Variants in PXDN observed in about 807,000 individuals in gnomAD.
PXDN encodes the protein peroxidasin homolog.
Under a neutral mutation model 140.3 loss-of-function variants are expected in PXDN, and 77 were observed. The ratio of observed to expected loss-of-function variants is 0.55; its 90% confidence interval spans 0.46 to 0.66. PXDN has a LOEUF of 0.66. Among genes scored for constraint, PXDN ranks in the 30% least tolerant of loss-of-function variants. The probability of loss-of-function intolerance (pLI) is 0.00; values close to 1 mark genes in which losing one functional copy is unlikely to be tolerated. For missense variants in PXDN, 1,838 were observed against 2,039.5 expected (o/e 0.90, Z 1.90); for synonymous variants, 911 against 857.4 (o/e 1.06, Z -1.09).
chr2:1,720,207 C>G (rs1451326475), intron 1 of PXDN, among the ~76,000 whole-genome samples: 2 of 8,092 alleles, frequency 2.5e-4, no homozygotes, highest in Admixed American at 2.5e-3. Flanking sequence ...GGGAGGGATG[C>G]AGAGAGAGGG....
chr2:1,687,577 G>T lies in PXDN; in HGVS notation c.416+55C>A. The T allele has an allele frequency of 7.3e-7, 1 of 1,371,300 alleles. No individual in the cohort carries two copies. The highest frequency in any genetic ancestry group is 2.4e-5 in the East Asian group (1 of 41,264). 84.9% of individuals were successfully genotyped at this position (1,371,300 alleles called of 1,614,324 possible). Reference sequence around the variant, plus strand: ...GCTCACTCCACTGGTCCCTACAAGAGGAAAACAGCCAGACGGCATCCAAGA... The same window carrying T: ...GCTCACTCCACTGGTCCCTACAAGATGAAAACAGCCAGACGGCATCCAAGA... On this transcript the variant is annotated intron_variant, in intron 4 of 22. Coordinates refer to ENST00000252804, the MANE Select transcript of PXDN (RefSeq NM_012293.3). The surrounding 1 kb of genome is among the most constrained non-coding windows in gnomAD (Gnocchi z 4.0).
At chr2:1,697,209 T>C (rs1684317932) in intron 1 of PXDN, among the ~76,000 whole-genome samples, 1 of 152,162 alleles carries the variant, frequency 6.6e-6, no homozygotes, top group African/African-American at 2.4e-5. Context: ...ATGCTGAAGA[T>C]ATAACGCAAA....
rs115167954 is a variant in PXDN at position 1,635,154 on chromosome 2, T to C, written c.4320+254A>G. ...GCACACAAGCAGCCCCAGGTGGCCC[T>C]GCACAGAGTAGGGGCTGCCCGCCCT... is the stretch of plus-strand genomic sequence containing the variant. On this transcript the variant is annotated intron_variant, in intron 22 of 22. Transcript: ENST00000252804. Among the ~76,000 whole-genome samples the C allele has an allele frequency of 0.042, 6,294 of 151,462 alleles. 389 individuals carry two copies. The highest frequency in any genetic ancestry group is 0.15 in the African/African-American group (5,962 of 41,096).
intron 1 of PXDN, among the ~76,000 whole-genome samples, chr2:1,727,736 T>C (rs1371459712): frequency 6.6e-6 from 1 of 152,182 alleles, no homozygotes; most frequent in Non-Finnish European, 1.5e-5. Context: ...GCTGAGTTCA[T>C]CTCCATCCCC....
Position 1,720,754 on chromosome 2 carries a change from G to C in PXDN, c.200+23502C>G, listed in dbSNP as rs561435042. ...CACACACACACACACACACACACAC[G>C]TACACATATCCTGTGGTTTCCATTT... On this transcript the variant is annotated intron_variant, in intron 1 of 22. Coordinates refer to ENST00000252804, the MANE Select transcript of PXDN (RefSeq NM_012293.3). 3.1e-3 allele frequency among the ~76,000 whole-genome samples: 424 copies of C among 138,646 alleles called. 4 individuals carry two copies. The highest frequency in any genetic ancestry group is 0.011 in the African/African-American group (395 of 34,898). 91.0% of individuals were successfully genotyped at this position (138,646 alleles called of 152,430 possible).
intron 1 of PXDN, among the ~76,000 whole-genome samples, chr2:1,721,429 T>C (rs1685048807): frequency 6.6e-6 from 1 of 152,170 alleles, no homozygotes; most frequent in African/African-American, 2.4e-5. Context: ...TGGGCATTCA[T>C]CCAGGATTCA....
chr2:1,648,195 A>C lies in PXDN; in HGVS notation c.3585T>G (p.Pro1195=), dbSNP rs13401329. The change falls in exon 17 of 23, where the codon CCT becomes CCG. Residue 1195 remains proline, a synonymous_variant. Coordinates refer to ENST00000252804, the MANE Select transcript of PXDN (RefSeq NM_012293.3). The surrounding 1 kb of genome is among the most constrained non-coding windows in gnomAD (Gnocchi z 8.9). ...ACCTTTTCAGTTTCTCCCGGATCTC[A>C]GGGTTTTTAATCTCATTTTTCAGGT... ...FEDLKNEIKN[P]EIREKLKRLY... is the part of the protein sequence containing the mutation. The C allele has an allele frequency of 6.2e-7, 1 of 1,612,360 alleles. No homozygotes were observed. The highest frequency in any genetic ancestry group is 2.2e-5 in the East Asian group (1 of 44,824).
intron 1 of PXDN, among the ~76,000 whole-genome samples, chr2:1,742,821 C>T (rs1310159462): frequency 6.6e-6 from 1 of 152,224 alleles, no homozygotes; most frequent in Non-Finnish European, 1.5e-5. Context: ...CGGGCCCCCG[C>T]CCCGCCCCAG....
intron 16 of PXDN, among the ~76,000 whole-genome samples, chr2:1,652,576 C>A (rs1490482648): frequency 6.6e-6 from 1 of 152,042 alleles, no homozygotes; most frequent in African/African-American, 2.4e-5. Flanking sequence ...CCAACTCCAA[C>A]ATTTCCTGCC....
At position 1,660,997 on chromosome 2, in the gene PXDN, C is replaced by T. The variant is rs1683292162; in HGVS notation, c.1721G>A (p.Ser574Asn). 6.2e-7 allele frequency: 1 copy of T among 1,614,008 alleles called. No individual in the cohort carries two copies. Residue 574 changes from serine to asparagine, a missense_variant, in exon 14 of 23, where the codon AGC becomes AAC. This residue lies in a region of PXDN where 537 missense variants were observed against 583.9 expected (regional missense o/e 0.92). Transcript: ENST00000252804. This position sits in a 1 kb window ranked among gnomAD's most constrained non-coding sequence, Gnocchi z 4.6. The part of the protein sequence containing the change: ...QVTESGKFHI[S>N]PEGFLTINDV... ...ATTGATGGTCAAGAATCCTTCAGGG[C>T]TGATGTGAAATTTTCCACTTTCTGT...
At chr2:1,674,132 C>CT (rs1312928737) in intron 8 of PXDN, among the ~76,000 whole-genome samples, 4 of 152,192 alleles carry the variant, frequency 2.6e-5, no homozygotes, top group Non-Finnish European at 5.9e-5. Context: ...GAAACATTTT[C>CT]TTTCGTTTCT....
At chr2:1,735,937 C>T (rs929968622) in intron 1 of PXDN, among the ~76,000 whole-genome samples, 8 of 152,228 alleles carry the variant, frequency 5.3e-5, no homozygotes, top group African/African-American at 1.9e-4. Context: ...CTAGCTAGAA[C>T]TTCTGGAGAA....
intron 8 of PXDN, among the ~76,000 whole-genome samples, chr2:1,675,168 C>A (rs1683670137): frequency 1.3e-5 from 2 of 152,162 alleles, no homozygotes; most frequent in Admixed American, 6.5e-5. Flanking sequence ...GGCCCAATCC[C>A]CCCCACCAGA....
At chr2:1,638,734 TG>T (rs1387293956) in intron 21 of PXDN, 111 bp downstream of exon 21, 4 of 1,505,214 alleles carry the variant, frequency 2.7e-6, no homozygotes, top group Non-Finnish European at 3.7e-6. Flanking sequence ...GGGTCCTGTG[TG>T]GGCAGTTGAA....
rs906186178 is a variant in PXDN at position 1,685,747 on chromosome 2, C to T, written c.417-1596G>A. ...CTTGGCACCTGCTGCACAGGTGCTA[C>T]GGGAAATGACGGCCCAGGGTGCACA... On this transcript the variant is annotated intron_variant, in intron 4 of 22. Coordinates refer to ENST00000252804, the MANE Select transcript of PXDN (RefSeq NM_012293.3). The surrounding 1 kb of genome is among the most constrained non-coding windows in gnomAD (Gnocchi z 5.1). Among the ~76,000 whole-genome samples, 6 of 136,606 alleles carry T rather than the reference C, an allele frequency of 4.4e-5. No homozygotes were observed. Among genetic ancestry groups the T allele is most frequent in the African/African-American group, 1.5e-4 (5 of 34,150 alleles). 89.6% of individuals were successfully genotyped at this position (136,606 alleles called of 152,430 possible).
At chr2:1,744,222 A>T (rs914774773) in intron 1 of PXDN, 34 bp downstream of exon 1, 1 of 1,436,672 alleles carries the variant, frequency 7.0e-7, no homozygotes, top group African/African-American at 1.5e-5. Context: ...GAAGCCCCGG[A>T]CCCCGCGCCC....
intron 1 of PXDN, among the ~76,000 whole-genome samples, chr2:1,722,950 G>A (rs1685087417): frequency 6.6e-6 from 1 of 152,252 alleles, no homozygotes; most frequent in South Asian, 2.1e-4. Context: ...TAGCTAGATG[G>A]AGAGATGTAT....
intron 5 of PXDN, among the ~76,000 whole-genome samples, 170 bp from the exon 6 acceptor site, chr2:1,683,897 T>C (rs910832390): frequency 6.6e-6 from 1 of 152,232 alleles, no homozygotes; most frequent in African/African-American, 2.4e-5. Flanking sequence ...TTTCCTGTTT[T>C]ATCAACACTC....
intron 1 of PXDN, among the ~76,000 whole-genome samples, chr2:1,738,010 CA>C (rs1031870425): frequency 6.6e-6 from 1 of 152,146 alleles, no homozygotes; most frequent in Non-Finnish European, 1.5e-5. Flanking sequence ...TGGCAGCAGG[CA>C]GAGTTTAACA....
Sources: gnomAD v4.1 joint callset for allele counts (sites outside exome capture counted in the v4.1 genomes callset) on GRCh38, gnomAD v4.1.1 for gene constraint, gnomAD v4.1.1 regional missense constraint, Gnocchi (gnomAD v3.1) non-coding constraint, MANE v1.5 for transcripts, NCBI Gene and HGNC (gene_info 2026-07-23, HGNC 2026-07-21) for gene names.